SH2D4A: variants seen among roughly 807,000 people sequenced by gnomAD.
SH2D4A encodes the protein SH2 domain containing 4A.
In SH2D4A, 70 loss-of-function variants were observed where a neutral mutation model predicts 64.7. That is an observed-to-expected ratio of 1.08 (90% CI 0.89 to 1.32). SH2D4A has a LOEUF of 1.32. Ranked by LOEUF, SH2D4A falls within the 40% of genes most tolerant of loss-of-function variation. The pLI is 0.00. For missense variants in SH2D4A, 706 were observed against 540.1 expected, an observed-to-expected ratio of 1.31 and a Z score of -3.04; for synonymous variants, 268 against 200.7, an observed-to-expected ratio of 1.34 and a Z score of -2.83.
intron 2 of SH2D4A, among the ~76,000 whole-genome samples, chr8:19,327,183 T>C (rs116502818): frequency 4.7e-4 from 72 of 152,254 alleles, no homozygotes; most frequent in African/African-American, 1.3e-3. Context: ...AAGTTGGTTT[T>C]AGAAAAACAC....
intron 2 of SH2D4A, among the ~76,000 whole-genome samples, chr8:19,329,858 T>A (rs2052343220): frequency 6.6e-6 from 1 of 152,210 alleles, no homozygotes; most frequent in Non-Finnish European, 1.5e-5. Context: ...TCCCTAGTCA[T>A]GAAACTTTAA....
Position 19,381,486 on chromosome 8 carries a change from A to G in SH2D4A, c.1048+7826A>G, listed in dbSNP as rs145332270. On this transcript the variant is annotated intron_variant, in intron 8 of 9. Transcript: ENST00000265807. ...AGTGTTGTTAGTGTATAGAAATGCA[A>G]CTGATTTTTGTGTGTTGTCTGTGTA... Among the ~76,000 whole-genome samples the G allele has an allele frequency of 4.0e-3, 604 of 152,254 alleles. 4 individuals are homozygous for G. Among genetic ancestry groups the G allele is most frequent in the African/African-American group, 0.014 (588 of 41,562 alleles).
In SH2D4A at chr8:19,395,783, A is replaced by C. The variant is rs2053580062; in HGVS notation, c.*1141A>C. 1 of 152,226 alleles carries C rather than the reference A, an allele frequency of 6.6e-6. No homozygotes were observed. 9.4% of individuals were successfully genotyped at this position (152,226 alleles called of 1,614,324 possible). A position where few individuals can be genotyped will look rare whatever the true frequency, so the allele number is the denominator to read the frequency against. The stretch of plus-strand genomic sequence containing the variant: ...CAGAATTCCAGACTCCAGAACTGGA[A>C]GAATAAATGTCTGTTGTTTTAAGCT... On this transcript the variant is annotated 3_prime_UTR_variant, in exon 10 of 10. Coordinates refer to ENST00000265807, the MANE Select transcript of SH2D4A (RefSeq NM_022071.4).
At chr8:19,382,005 G>A (rs1157799145) in intron 8 of SH2D4A, among the ~76,000 whole-genome samples, 2 of 151,896 alleles carry the variant, frequency 1.3e-5, no homozygotes, top group Non-Finnish European at 2.9e-5. Flanking sequence ...ATATAATCCT[G>A]TTGATATGCT....
chr8:19,333,628 T>C (rs1306307472), intron 3 of SH2D4A, among the ~76,000 whole-genome samples: 1 of 152,154 alleles, frequency 6.6e-6, no homozygotes, highest in African/African-American at 2.4e-5. Flanking sequence ...GTACTGGGAA[T>C]TCAAAGAGAA....
intron 8 of SH2D4A, among the ~76,000 whole-genome samples, chr8:19,377,955 A>G (rs1045396614): frequency 1.3e-5 from 2 of 152,130 alleles, no homozygotes; most frequent in African/African-American, 4.8e-5. Context: ...TTGTTTCCCT[A>G]TGTACTTGCC....
chr8:19,338,511 CA>C (rs1312492709), intron 4 of SH2D4A, among the ~76,000 whole-genome samples: 1 of 152,148 alleles, frequency 6.6e-6, no homozygotes, highest in Non-Finnish European at 1.5e-5. Context: ...GTCCTTAAAG[CA>C]GAGACTCTTT....
chr8:19,333,259 G>A (rs1404323030), intron 3 of SH2D4A, 145 bp downstream of exon 3: 1 of 873,704 alleles, frequency 1.1e-6, no homozygotes, highest in Non-Finnish European at 1.7e-6. Context: ...CTCTTTGGAA[G>A]GTTGATTTAG....
intron 6 of SH2D4A, among the ~76,000 whole-genome samples, chr8:19,363,236 C>G (rs549603745): frequency 9.9e-5 from 15 of 152,028 alleles, no homozygotes; most frequent in Non-Finnish European, 2.2e-4. Context: ...CCACCATGCT[C>G]AGCTAATTTT....
chr8:19,322,325 GT>G (rs1307158737), intron 2 of SH2D4A, among the ~76,000 whole-genome samples: 12 of 152,122 alleles, frequency 7.9e-5, no homozygotes, highest in Non-Finnish European at 1.6e-4. Flanking sequence ...CTGAAGGCTT[GT>G]GCTCCCTGCC....
intron 8 of SH2D4A, among the ~76,000 whole-genome samples, chr8:19,384,774 AAGTTCTGTCCAGAAACCCAC>A (rs2053355404): frequency 6.6e-6 from 1 of 152,186 alleles, no homozygotes; most frequent in African/African-American, 2.4e-5. Context: ...TTGAGATCTG[AAGTTCTGTCCAGAAACCCAC>A]AGGTTCATTT....
At chr8:19,366,314 A>G (rs371549474) in intron 7 of SH2D4A, among the ~76,000 whole-genome samples, 9 of 152,174 alleles carry the variant, frequency 5.9e-5, no homozygotes, top group East Asian at 5.8e-4. Flanking sequence ...AGAACATTCA[A>G]AATCCTATCT....
intron 1 of SH2D4A, 138 bp from the exon 2 acceptor site, chr8:19,319,206 C>T: frequency 2.2e-6 from 1 of 446,314 alleles, no homozygotes; most frequent in Non-Finnish European, 3.0e-6. Flanking sequence ...AAGTGTGCCT[C>T]AGATTTTCTT....
chr8:19,376,474 T>C (rs2053198176), intron 8 of SH2D4A, among the ~76,000 whole-genome samples: 1 of 151,910 alleles, frequency 6.6e-6, no homozygotes, highest in Non-Finnish European at 1.5e-5. Flanking sequence ...ATACAAAAAC[T>C]AGCTGGACAT....
Position 19,394,794 on chromosome 8 carries a change from C to T in SH2D4A, c.*152C>T. ...AGTATCCATGGAGTCCTCATTGACA[C>T]CTCTTTTCTGCACAAATACTGGAAT... On this transcript the variant is annotated 3_prime_UTR_variant, in exon 10 of 10. Coordinates refer to ENST00000265807, the MANE Select transcript of SH2D4A (RefSeq NM_022071.4). 1 of 438,078 alleles carries T rather than the reference C, an allele frequency of 2.3e-6. No individual in the cohort carries two copies. The highest frequency in any genetic ancestry group is 4.0e-6 in the Non-Finnish European group (1 of 250,070). The allele number at this position is 438,078 out of a possible 1,614,324, so 27.1% of individuals were successfully genotyped here.
chr8:19,338,326 A>C (rs1041853966), intron 4 of SH2D4A, among the ~76,000 whole-genome samples: 1 of 152,170 alleles, frequency 6.6e-6, no homozygotes, highest in Non-Finnish European at 1.5e-5. Flanking sequence ...AAAGGGGATA[A>C]ACAATCTATT....
chr8:19,386,791 T>A (rs548470248), intron 8 of SH2D4A, among the ~76,000 whole-genome samples: 38 of 152,166 alleles, frequency 2.5e-4, no homozygotes, highest in South Asian at 2.1e-3. Flanking sequence ...ATGCTTTTTT[T>A]AAAAAAAAGA....
chr8:19,381,240 G>A (rs560555603), intron 8 of SH2D4A, among the ~76,000 whole-genome samples: 26 of 152,066 alleles, frequency 1.7e-4, no homozygotes, highest in Non-Finnish European at 3.4e-4. Flanking sequence ...AGTAGAGACA[G>A]GATTTCACTA....
chr8:19,348,153 C>A (rs945342900), intron 4 of SH2D4A, among the ~76,000 whole-genome samples: 2 of 152,062 alleles, frequency 1.3e-5, no homozygotes, highest in African/African-American at 4.8e-5. Context: ...TGGAGTGCCA[C>A]GGTGCAATAA....
Sources: gnomAD v4.1 joint callset for allele counts (sites outside exome capture counted in the v4.1 genomes callset) on GRCh38, gnomAD v4.1.1 for gene constraint, MANE v1.5 for transcripts, NCBI Gene and HGNC (gene_info 2026-07-23, HGNC 2026-07-21) for gene names.